CHST8: variants seen among roughly 807,000 people sequenced by gnomAD.
CHST8 encodes the protein carbohydrate sulfotransferase 8.
CHST8 carries 10 observed loss-of-function variants against 15.0 expected under a neutral mutation model. The ratio of observed to expected loss-of-function variants is 0.67; its 90% CI spans 0.41 to 1.13. The LOEUF (loss-of-function observed/expected upper bound fraction) is 1.13, where lower values mean the gene tolerates loss of function less well. Ranked by LOEUF, CHST8 falls within the 50% of genes most tolerant of loss-of-function variation. The probability of loss-of-function intolerance (pLI) is 0.00; values close to 1 mark genes in which losing one functional copy is unlikely to be tolerated. For synonymous variants in CHST8, 259 were observed against 256.6 expected, an observed-to-expected ratio of 1.01 and a Z score of -0.09; for missense variants, 634 against 608.2, an observed-to-expected ratio of 1.04 and a Z score of -0.45.
chr19:33,716,673 A>C (rs916244206), intron 3 of CHST8, among the ~76,000 whole-genome samples: 1 of 152,146 alleles, frequency 6.6e-6, no homozygotes, highest in Non-Finnish European at 1.5e-5. Flanking sequence ...CAGCCACCTG[A>C]TTTTGTAATC....
intron 3 of CHST8, among the ~76,000 whole-genome samples, chr19:33,757,510 GAA>G (rs1974606709): frequency 2.0e-5 from 1 of 48,978 alleles, no homozygotes; most frequent in African/African-American, 9.3e-5. Flanking sequence ...AAGAAAGAAA[GAA>G]AGAAAGAAAG....
At chr19:33,742,074 C>A (rs1974204962) in intron 3 of CHST8, among the ~76,000 whole-genome samples, 1 of 152,082 alleles carries the variant, frequency 6.6e-6, no homozygotes. Context: ...AAAAAAAAAT[C>A]TAGAAATGTC....
chr19:33,666,433 G>T (rs79118525), intron 1 of CHST8, among the ~76,000 whole-genome samples: 4,772 of 152,266 alleles, frequency 0.031, 230 homozygotes, highest in African/African-American at 0.11. Flanking sequence ...ATGACAAAAA[G>T]GAGGCAGAGC....
chr19:33,766,459 T>C (rs571534474), intron 3 of CHST8, among the ~76,000 whole-genome samples: 1 of 152,276 alleles, frequency 6.6e-6, no homozygotes, highest in Non-Finnish European at 1.5e-5. Context: ...AGCACTGCAC[T>C]GTGAGGTCAG....
intron 3 of CHST8, among the ~76,000 whole-genome samples, chr19:33,767,164 G>A (rs1247530062): frequency 6.6e-6 from 1 of 152,040 alleles, no homozygotes; most frequent in Non-Finnish European, 1.5e-5. Flanking sequence ...CCTGGGGCTG[G>A]GGGAGGCCAA....
At chr19:33,655,790 G>T in intron 1 of CHST8, among the ~76,000 whole-genome samples, 1 of 151,486 alleles carries the variant, frequency 6.6e-6, no homozygotes, top group South Asian at 2.1e-4. Context: ...TTCTTGGTTA[G>T]ACTTTACCAG....
At chr19:33,675,348 C>T (rs1356561883) in intron 2 of CHST8, among the ~76,000 whole-genome samples, 1 of 152,224 alleles carries the variant, frequency 6.6e-6, no homozygotes, top group African/African-American at 2.4e-5. Flanking sequence ...ATGCCTGTAG[C>T]TTGGACTATG....
chr19:33,631,211 T>G (rs1042257855), intron 1 of CHST8, among the ~76,000 whole-genome samples: 14 of 152,226 alleles, frequency 9.2e-5, no homozygotes, highest in African/African-American at 1.2e-4. Flanking sequence ...CCAGAGCTCT[T>G]GGTTCTTTCT....
chr19:33,678,094 G>C (rs1284075243), intron 2 of CHST8, among the ~76,000 whole-genome samples: 1 of 152,170 alleles, frequency 6.6e-6, no homozygotes, highest in East Asian at 1.9e-4. Flanking sequence ...GGAGAGGGAG[G>C]AAGTGTTAGT....
intron 1 of CHST8, among the ~76,000 whole-genome samples, chr19:33,663,765 G>A (rs1348968874): frequency 6.6e-6 from 1 of 152,128 alleles, no homozygotes; most frequent in Non-Finnish European, 1.5e-5. Context: ...AGCTACTTGG[G>A]AGGCTGAGGT....
intron 3 of CHST8, among the ~76,000 whole-genome samples, chr19:33,703,628 T>C (rs1973387840): frequency 6.6e-6 from 1 of 152,204 alleles, no homozygotes; most frequent in Non-Finnish European, 1.5e-5. Flanking sequence ...CGCTCTTGCA[T>C]TGAGGTTGAC....
intron 1 of CHST8, among the ~76,000 whole-genome samples, chr19:33,632,473 C>G (rs1039796392): frequency 5.9e-5 from 9 of 151,882 alleles, no homozygotes; most frequent in Non-Finnish European, 1.0e-4. Context: ...TTTTTCTAAG[C>G]AGTTTGCTAA....
At chr19:33,670,381 T>C (rs1000736504) in intron 2 of CHST8, among the ~76,000 whole-genome samples, 3 of 152,224 alleles carry the variant, frequency 2.0e-5, no homozygotes, top group Admixed American at 6.5e-5. Flanking sequence ...AAAGACCAAC[T>C]GCACCAAACT....
At chr19:33,652,449 C>G (rs527556320) in intron 1 of CHST8, among the ~76,000 whole-genome samples, 14 of 142,820 alleles carry the variant, frequency 9.8e-5, no homozygotes, top group Non-Finnish European at 2.1e-4. Flanking sequence ...AATCTCAGCT[C>G]TCTGCAACCT....
At chr19:33,713,348 A>G (rs1973597166) in intron 3 of CHST8, among the ~76,000 whole-genome samples, 1 of 152,042 alleles carries the variant, frequency 6.6e-6, no homozygotes, top group Non-Finnish European at 1.5e-5. Flanking sequence ...TGGGAGATGC[A>G]ATGGTGCCCT....
At chr19:33,723,299 A>T (rs1264102736) in intron 3 of CHST8, among the ~76,000 whole-genome samples, 2 of 152,222 alleles carry the variant, frequency 1.3e-5, no homozygotes, top group Non-Finnish European at 2.9e-5. Context: ...TGCAGATCTC[A>T]GTATCCATGT....
At chr19:33,726,751 G>T (rs943836772) in intron 3 of CHST8, among the ~76,000 whole-genome samples, 1 of 152,094 alleles carries the variant, frequency 6.6e-6, no homozygotes, top group African/African-American at 2.4e-5. Context: ...CCTCCTGACC[G>T]CCATAAAGAA....
intron 3 of CHST8, among the ~76,000 whole-genome samples, chr19:33,743,389 C>G (rs977049132): frequency 6.6e-6 from 1 of 151,048 alleles, no homozygotes; most frequent in Non-Finnish European, 1.5e-5. Context: ...AGGCTCCGCC[C>G]CCCGGGGGTT....
chr19:33,641,110 TTC>T (rs1972278265), intron 1 of CHST8, among the ~76,000 whole-genome samples: 1 of 152,174 alleles, frequency 6.6e-6, no homozygotes, highest in Admixed American at 6.5e-5. Context: ...TGCTGTCGGC[TTC>T]TCTCTCTGCC....
Sources: gnomAD v4.1 joint callset for allele counts (sites outside exome capture counted in the v4.1 genomes callset) on GRCh38, gnomAD v4.1.1 for gene constraint, MANE v1.5 for transcripts, NCBI Gene and HGNC (gene_info 2026-07-23, HGNC 2026-07-21) for gene names.